AGBL4: variants seen among roughly 807,000 people sequenced by gnomAD.
AGBL4 encodes AGBL carboxypeptidase 4, also known as cytosolic carboxypeptidase 6.
A neutral mutation model predicts 66.4 loss-of-function variants in AGBL4; 58 were observed. That is an observed-to-expected ratio of 0.87 (90% CI 0.71 to 1.09). The LOEUF (loss-of-function observed/expected upper bound fraction) is 1.09, where lower values mean the gene tolerates loss of function less well. Among genes scored for constraint, AGBL4 ranks in the 50% least tolerant of loss-of-function variants. AGBL4 has a pLI of 0.00. For synonymous variants in AGBL4, 234 were observed against 222.9 expected (o/e 1.05, Z -0.44); for missense variants, 579 against 631.0 (o/e 0.92, Z 0.88).
At chr1:48,812,902 T>C (rs1039255633) in intron 6 of AGBL4, among the ~76,000 whole-genome samples, 1 of 151,732 alleles carries the variant, frequency 6.6e-6, no homozygotes, top group Non-Finnish European at 1.5e-5. Context: ...TAGGTGGGAA[T>C]TGAACAATGA....
chr1:48,818,175 C>G (rs561470858), intron 6 of AGBL4: 1 of 716,918 alleles, frequency 1.4e-6, no homozygotes, highest in Non-Finnish European at 2.6e-6. Flanking sequence ...TTGGAAAGGC[C>G]ACCATTCTCC....
At chr1:48,633,659 C>T (rs532214791) in intron 9 of AGBL4, among the ~76,000 whole-genome samples, 3 of 152,294 alleles carry the variant, frequency 2.0e-5, no homozygotes, top group African/African-American at 7.2e-5. Context: ...CCCATATCCT[C>T]CACCTGAAAA....
At chr1:48,760,485 G>A (rs1349187429) in intron 6 of AGBL4, among the ~76,000 whole-genome samples, 1 of 152,170 alleles carries the variant, frequency 6.6e-6, no homozygotes, top group African/African-American at 2.4e-5. Context: ...CTGAGATAAG[G>A]TGCTACTAGT....
chr1:49,439,557 C>A (rs1051280834), intron 3 of AGBL4, among the ~76,000 whole-genome samples: 1 of 152,094 alleles, frequency 6.6e-6, no homozygotes, highest in Non-Finnish European at 1.5e-5. Flanking sequence ...ATGCGAAGTA[C>A]CGATCCTGGG....
At chr1:48,702,617 C>G (rs1381397774) in intron 6 of AGBL4, among the ~76,000 whole-genome samples, 1 of 152,050 alleles carries the variant, frequency 6.6e-6, no homozygotes, top group East Asian at 1.9e-4. Context: ...AACATTCACT[C>G]AGAAATGGCA....
At chr1:49,390,098 A>T (rs540096306) in intron 3 of AGBL4, among the ~76,000 whole-genome samples, 2 of 152,326 alleles carry the variant, frequency 1.3e-5, no homozygotes, top group Admixed American at 1.3e-4. Flanking sequence ...GTGAGAAGAA[A>T]AAAAAATAAT....
intron 4 of AGBL4, among the ~76,000 whole-genome samples, chr1:49,115,361 T>C (rs1240557137): frequency 6.6e-6 from 1 of 152,230 alleles, no homozygotes; most frequent in African/African-American, 2.4e-5. Context: ...TAAAATTCTA[T>C]GGTGTAGTTT....
rs1382238949 is a variant in AGBL4 at position 49,283,145 on chromosome 1, T to C, written c.283-37281A>G. Among the ~76,000 whole-genome samples the C allele has an allele frequency of 2.0e-5, 3 of 152,174 alleles. No individual in the cohort carries two copies. In the East Asian group the frequency reaches 5.8e-4, roughly 29 times the overall value. On this transcript the variant is annotated intron_variant, in intron 3 of 13. Coordinates refer to ENST00000371839, the MANE Select transcript of AGBL4 (RefSeq NM_032785.4). Reference sequence around the variant, plus strand: ...TGTCTGACAGCTTTGAAGAGAGCAGTGGTTCTCCCAGCACGCAGCTGGAGA... The same window carrying C: ...TGTCTGACAGCTTTGAAGAGAGCAGCGGTTCTCCCAGCACGCAGCTGGAGA...
chr1:49,896,623 AC>A (rs1649239179), intron 1 of AGBL4, among the ~76,000 whole-genome samples: 1 of 146,430 alleles, frequency 6.8e-6, no homozygotes, highest in Non-Finnish European at 1.5e-5. Flanking sequence ...ACACACACAC[AC>A]ACACACACAC....
chr1:49,142,469 T>C (rs553840485), intron 4 of AGBL4, among the ~76,000 whole-genome samples: 1 of 152,334 alleles, frequency 6.6e-6, no homozygotes, highest in East Asian at 1.9e-4. Context: ...TGAGCCTTAC[T>C]TTCTGCATAT....
chr1:49,739,631 A>C (rs1650244186), intron 2 of AGBL4, among the ~76,000 whole-genome samples: 1 of 152,172 alleles, frequency 6.6e-6, no homozygotes, highest in African/African-American at 2.4e-5. Context: ...AAATGGAAAA[A>C]ATGTTAAGGG....
intron 6 of AGBL4, among the ~76,000 whole-genome samples, chr1:48,828,437 T>C (rs1646479157): frequency 6.6e-6 from 1 of 152,156 alleles, no homozygotes; most frequent in African/African-American, 2.4e-5. Flanking sequence ...CCTTTGACCC[T>C]TATGCCCAGG....
chr1:48,578,313 T>C (rs1216261014), intron 11 of AGBL4, among the ~76,000 whole-genome samples: 1 of 152,148 alleles, frequency 6.6e-6, no homozygotes, highest in Admixed American at 6.5e-5. Flanking sequence ...TTATTATTAG[T>C]CATTCATTCA....
intron 1 of AGBL4, among the ~76,000 whole-genome samples, chr1:49,999,267 C>A (rs1024726846): frequency 6.6e-6 from 1 of 151,376 alleles, no homozygotes; most frequent in African/African-American, 2.4e-5. Context: ...AACAGTAGCT[C>A]TGCTATACAC....
At chr1:48,650,489 C>G (rs1302548114) in intron 8 of AGBL4, among the ~76,000 whole-genome samples, 1 of 151,374 alleles carries the variant, frequency 6.6e-6, no homozygotes, top group Admixed American at 6.6e-5. Context: ...TTCTTTACTT[C>G]CTTCCTCCCT....
intron 1 of AGBL4, among the ~76,000 whole-genome samples, chr1:49,865,119 G>A (rs966610253): frequency 6.6e-6 from 1 of 152,158 alleles, no homozygotes; most frequent in African/African-American, 2.4e-5. Context: ...TGGGAATGGA[G>A]CCACTAAGGA....
At chr1:49,876,852 TCTC>T (rs1647023288) in intron 1 of AGBL4, among the ~76,000 whole-genome samples, 1 of 150,000 alleles carries the variant, frequency 6.7e-6, no homozygotes, top group African/African-American at 2.5e-5. Flanking sequence ...GGTTTGTAGT[TCTC>T]CTTGAAGAGG....
intron 3 of AGBL4, among the ~76,000 whole-genome samples, chr1:49,422,283 T>C (rs940329365): frequency 2.0e-5 from 3 of 152,294 alleles, no homozygotes; most frequent in East Asian, 1.9e-4. Flanking sequence ...GTTAATTTCA[T>C]TGGAGGAATA....
intron 5 of AGBL4, among the ~76,000 whole-genome samples, chr1:49,005,668 GA>G (rs2148996163): frequency 6.6e-6 from 1 of 152,174 alleles, no homozygotes; most frequent in Non-Finnish European, 1.5e-5. Context: ...TGCATGATAG[GA>G]AAAAACATAG....
Sources: gnomAD v4.1 joint callset for allele counts (sites outside exome capture counted in the v4.1 genomes callset) on GRCh38, gnomAD v4.1.1 for gene constraint, MANE v1.5 for transcripts, NCBI Gene and HGNC (gene_info 2026-07-23, HGNC 2026-07-21) for gene names.